FEZ2: variants seen among roughly 807,000 people sequenced by gnomAD.
FEZ2 encodes fasciculation and elongation protein zeta 2.
Under a neutral mutation model 40.4 loss-of-function variants are expected in FEZ2, and 51 were observed. The ratio of observed to expected loss-of-function variants is 1.26; its 90% CI spans 1.01 to 1.59. FEZ2 has a LOEUF of 1.59. Ranked by LOEUF, FEZ2 falls within the 40% of genes most tolerant of loss-of-function variation. The probability of loss-of-function intolerance (pLI) is 0.00; values close to 1 mark genes in which losing one functional copy is unlikely to be tolerated. For missense variants in FEZ2, 640 were observed against 438.3 expected, an observed-to-expected ratio of 1.46 and a Z score of -4.11; for synonymous variants, 242 against 172.0, an observed-to-expected ratio of 1.41 and a Z score of -3.18.
At position 36,555,662 on chromosome 2, in the gene FEZ2, CTATACCAT is replaced by C. The variant is rs1449738927; in HGVS notation, c.1045+13_1045+20del. 1 of 1,485,672 alleles carries C rather than the reference CTATACCAT, an allele frequency of 6.7e-7. No homozygotes were observed. The highest frequency in any genetic ancestry group is 9.3e-7 in the Non-Finnish European group (1 of 1,080,864). 92.0% of individuals were successfully genotyped at this position (1,485,672 alleles called of 1,614,324 possible). On this transcript the variant is annotated intron_variant, in intron 7 of 7. Coordinates refer to ENST00000405912, the MANE Select transcript of FEZ2 (RefSeq NM_005102.3). Reference sequence around the variant, plus strand: ...AATCCAAACCTCCCAGCCATCGCACCTATACCATTATAAAACTCACCTTTCAGAATATA... The same window carrying C: ...AATCCAAACCTCCCAGCCATCGCACCTATAAAACTCACCTTTCAGAATATA...
chr2:36,581,231 C>CTA (rs1395620508), intron 4 of FEZ2, 59 bp downstream of exon 4: 2 of 1,470,394 alleles, frequency 1.4e-6, no homozygotes, highest in Non-Finnish European at 1.9e-6. Flanking sequence ...GATGATCATA[C>CTA]TATACATTTG....
At chr2:36,583,616 G>A (rs1668820654) in intron 2 of FEZ2, 147 bp from the exon 3 acceptor site, 4 of 593,230 alleles carry the variant, frequency 6.7e-6, no homozygotes, top group Non-Finnish European at 1.2e-5. Flanking sequence ...TCTGTACCAG[G>A]CAATGAGTAT....
chr2:36,553,496 G>A (rs1309684175), intron 7 of FEZ2, among the ~76,000 whole-genome samples: 10 of 152,130 alleles, frequency 6.6e-5, no homozygotes, highest in Non-Finnish European at 1.3e-4. Context: ...CCCTAGGGAA[G>A]TCAAAGAAGG....
chr2:36,575,125 T>C (rs916757855), intron 5 of FEZ2, among the ~76,000 whole-genome samples: 6 of 152,212 alleles, frequency 3.9e-5, no homozygotes, highest in Non-Finnish European at 8.8e-5. Flanking sequence ...ATTGCCTTTC[T>C]CCGTCATTAG....
At position 36,567,935 on chromosome 2, in the gene FEZ2, G is replaced by A. The variant is rs116667891; in HGVS notation, c.904-9422C>T. Among the ~76,000 whole-genome samples, 1,420 of 152,208 alleles carry A rather than the reference G, an allele frequency of 9.3e-3. 14 individuals are homozygous for A. Among genetic ancestry groups the A allele is most frequent in the African/African-American group, 0.033 (1,362 of 41,516 alleles). On this transcript the variant is annotated intron_variant, in intron 5 of 7. Transcript: ENST00000405912. ...GTGCATTCTGTTTTATAGCTGCCCT[G>A]TAAATTCCAAAAAATAACACACCCT...
chr2:36,554,466 T>C lies in FEZ2; in HGVS notation c.1045+1217A>G, dbSNP rs572121415. ...GTTCTTTATGTTCGTCTCATTCCTGTTTCACATCTAGAAGAACGAACCTCA... is the reference window on the plus strand; with the variant it reads ...GTTCTTTATGTTCGTCTCATTCCTGCTTCACATCTAGAAGAACGAACCTCA... On this transcript the variant is annotated intron_variant, in intron 7 of 7. Coordinates refer to ENST00000405912, the MANE Select transcript of FEZ2 (RefSeq NM_005102.3). Among the ~76,000 whole-genome samples, 40 of 152,218 alleles carry C rather than the reference T, an allele frequency of 2.6e-4. No individual in the cohort carries two copies. In the South Asian group the frequency reaches 7.9e-3, roughly 30 times the overall value.
At chr2:36,586,091 T>A (rs1414775386) in intron 2 of FEZ2, among the ~76,000 whole-genome samples, 1 of 152,116 alleles carries the variant, frequency 6.6e-6, no homozygotes, top group East Asian at 1.9e-4. Flanking sequence ...AGGAGAAAGA[T>A]CAAGAGACTA....
At chr2:36,581,151 C>T in intron 4 of FEZ2, 139 bp downstream of exon 4, 1 of 874,734 alleles carries the variant, frequency 1.1e-6, no homozygotes, top group South Asian at 1.8e-5. Context: ...CCCGTCTCAA[C>T]AACAACAACA....
intron 5 of FEZ2, among the ~76,000 whole-genome samples, chr2:36,570,092 A>G (rs1209077033): frequency 6.6e-6 from 1 of 152,174 alleles, no homozygotes; most frequent in African/African-American, 2.4e-5. Context: ...AGTGTAAAAA[A>G]TTTAGAGTAA....
At chr2:36,568,864 C>T (rs1488425332) in intron 5 of FEZ2, among the ~76,000 whole-genome samples, 1 of 152,158 alleles carries the variant, frequency 6.6e-6, no homozygotes, top group Non-Finnish European at 1.5e-5. Flanking sequence ...TATCTGGAAA[C>T]TTTTCTCAGA....
At chr2:36,587,092 G>A (rs1668923773) in intron 2 of FEZ2, among the ~76,000 whole-genome samples, 1 of 152,246 alleles carries the variant, frequency 6.6e-6, no homozygotes, top group Non-Finnish European at 1.5e-5. Context: ...ATGTTCTTAA[G>A]CTGAAATGAA....
chr2:36,598,122 C>T lies in FEZ2; in HGVS notation c.21G>A (p.Trp7Ter), dbSNP rs1426880899. 1 of 1,483,486 alleles carries T rather than the reference C, an allele frequency of 6.7e-7. No homozygotes were observed. Among genetic ancestry groups the T allele is most frequent in the African/African-American group, 1.5e-5 (1 of 68,108 alleles). The allele number at this position is 1,483,486 out of a possible 1,614,324, so 91.9% of individuals were successfully genotyped here. ...GCTCCTGGAACTCATAGAAATCCTG[C>T]CAGTCCCCGTCCGCCGCCATCGCCG... Reference protein sequence around the residue: MAADGDWQDFYEFQEPA... With the variant: MAADGD The change falls in exon 1 of 8, where the codon TGG becomes TGA. Residue 7 changes from tryptophan (W) to a stop codon, truncating the protein, a stop_gained. Transcript: ENST00000405912. LOFTEE classifies it high-confidence loss of function.
rs569734731 is a variant in FEZ2, at chr2:36,587,744, G to A, written c.375+3159C>T. Among the ~76,000 whole-genome samples, 16 of 151,876 alleles carry A rather than the reference G, an allele frequency of 1.1e-4. No homozygotes were observed. In the South Asian group the frequency reaches 1.7e-3, roughly 16 times the overall value. On this transcript the variant is annotated intron_variant, in intron 2 of 7. Transcript: ENST00000405912. ...GGTAAATTTTACATAGCTTAGTCAC[G>A]GCACGAACAGAGCACCAGGTGGCAA...
chr2:36,576,603 A>C (rs1311602439), intron 5 of FEZ2, among the ~76,000 whole-genome samples: 1 of 152,208 alleles, frequency 6.6e-6, no homozygotes, highest in South Asian at 2.1e-4. Flanking sequence ...ACAGGAAACT[A>C]GTACTGCAAG....
intron 2 of FEZ2, among the ~76,000 whole-genome samples, chr2:36,583,735 A>T (rs953800961): frequency 1.3e-5 from 2 of 152,224 alleles, no homozygotes; most frequent in Non-Finnish European, 2.9e-5. Context: ...AAAATACGGT[A>T]TTCATTAGCA....
In FEZ2 at chr2:36,558,428, C is replaced by T; in HGVS notation, c.979+10G>A. ...AAATCAGGTAATAGTTTCATTTTGT[C>T]TTTGCTCACTTTTTGTTAATATTTG... is the stretch of plus-strand genomic sequence containing the variant. On this transcript the variant is annotated intron_variant, in intron 6 of 7. Transcript: ENST00000405912. The T allele has an allele frequency of 5.4e-6, 8 of 1,489,844 alleles. No individual in the cohort carries two copies. The highest frequency in any genetic ancestry group is 7.2e-6 in the Non-Finnish European group (8 of 1,110,094). 92.3% of individuals were successfully genotyped at this position (1,489,844 alleles called of 1,614,324 possible).
Position 36,597,508 on chromosome 2 carries a change from G to A in FEZ2, c.266+369C>T, listed in dbSNP as rs1018083720. On this transcript the variant is annotated intron_variant, in intron 1 of 7. Transcript: ENST00000405912. ...AAGCAGCGCCTGGCACTCAGCAGGT[G>A]CTTAATAAATGCGACTTGAGTGAAT... Among the ~76,000 whole-genome samples the A allele has an allele frequency of 9.9e-5, 15 of 152,216 alleles. 1 individual carries two copies. The highest frequency in any genetic ancestry group is 2.0e-4 in the Admixed American group (3 of 15,284).
At chr2:36,596,965 C>T (rs1234886378) in intron 1 of FEZ2, among the ~76,000 whole-genome samples, 2 of 152,148 alleles carry the variant, frequency 1.3e-5, no homozygotes, top group African/African-American at 4.8e-5. Context: ...AGGAACTCTG[C>T]GCCTCACCTC....
chr2:36,566,585 C>A (rs779775875), intron 5 of FEZ2, among the ~76,000 whole-genome samples: 1 of 152,186 alleles, frequency 6.6e-6, no homozygotes, highest in Admixed American at 6.5e-5. Flanking sequence ...GTGACTTAAC[C>A]TGCAAAACGC....
Sources: gnomAD v4.1 joint callset for allele counts (sites outside exome capture counted in the v4.1 genomes callset) on GRCh38, gnomAD v4.1.1 for gene constraint, MANE v1.5 for transcripts, NCBI Gene and HGNC (gene_info 2026-07-23, HGNC 2026-07-21) for gene names.